The following KLHL12 variants were observed in gnomAD, a reference collection of about 807,000 sequenced individuals.
KLHL12 encodes kelch-like protein 12.
KLHL12 carries 17 observed loss-of-function variants against 60.8 expected under a neutral mutation model. The ratio of observed to expected loss-of-function variants is 0.28; its 90% CI spans 0.19 to 0.42. The LOEUF (loss-of-function observed/expected upper bound fraction) is 0.42. KLHL12 is among the 10% of genes least tolerant of loss of function. The pLI is 1.00. For synonymous variants in KLHL12, 220 were observed against 250.9 expected (o/e 0.88, Z 1.16); for missense variants, 468 against 722.3 (o/e 0.65, Z 4.04).
chr1:202,923,845 G>C (rs115044208), intron 2 of KLHL12, among the ~76,000 whole-genome samples: 296 of 135,166 alleles, frequency 2.2e-3, no homozygotes, highest in African/African-American at 7.8e-3. Flanking sequence ...TCTACACTAA[G>C]ATGATAGAAC....
chr1:202,903,992 G>GTATCTATGTATC (rs1553236664), intron 6 of KLHL12, among the ~76,000 whole-genome samples: 2 of 141,588 alleles, frequency 1.4e-5, no homozygotes, highest in South Asian at 2.4e-4. Context: ...ATCTATCTAT[G>GTATCTATGTATC]TATCTATCTA....
intron 9 of KLHL12, 31 bp from the exon 10 acceptor site, chr1:202,894,313 G>A: frequency 1.4e-6 from 2 of 1,430,330 alleles, no homozygotes; most frequent in Non-Finnish European, 1.9e-6. Flanking sequence ...CAGAAAGAGT[G>A]GTAAATCCTC....
chr1:202,912,379 C>T lies in KLHL12; in HGVS notation c.568-1176G>A, dbSNP rs117657495. On this transcript the variant is annotated intron_variant, in intron 4 of 11. Coordinates refer to ENST00000367261, the MANE Select transcript of KLHL12 (RefSeq NM_021633.4). ...CTGTCAAAGTAAGAGATGGCTAGTG[C>T]TTCATCCAGCCAAAGAAGTCGAAGT... 1,824 of 797,886 alleles carry T rather than the reference C, an allele frequency of 2.3e-3. 34 individuals are homozygous for T. The highest frequency in any genetic ancestry group is 0.022 in the Admixed American group (1,293 of 58,800). 49.4% of individuals were successfully genotyped at this position (797,886 alleles called of 1,614,324 possible). A position where few individuals can be genotyped will look rare whatever the true frequency, so the allele number is the denominator to read the frequency against.
intron 6 of KLHL12, among the ~76,000 whole-genome samples, chr1:202,901,049 T>C (rs1259880980): frequency 6.6e-6 from 1 of 151,790 alleles, no homozygotes; most frequent in Non-Finnish European, 1.5e-5. Flanking sequence ...GTCTCAAAAA[T>C]AAAATAAAGA....
chr1:202,918,403 G>A lies in KLHL12; in HGVS notation c.350-15C>T. ...TTGTTTCACACCTAGGACAGACACA[G>A]GCAGCAAACACTTTAGAATAGTTGG... On this transcript the variant is annotated splice_polypyrimidine_tract_variant and intron_variant, in intron 3 of 11. Coordinates refer to ENST00000367261, the MANE Select transcript of KLHL12 (RefSeq NM_021633.4). 2 of 1,594,640 alleles carry A rather than the reference G, an allele frequency of 1.3e-6. No individual in the cohort carries two copies. The highest frequency in any genetic ancestry group is 2.2e-5 in the South Asian group (2 of 90,666).
intron 6 of KLHL12, among the ~76,000 whole-genome samples, chr1:202,900,241 A>C (rs1235937681): frequency 3.3e-5 from 5 of 151,282 alleles, no homozygotes; most frequent in Non-Finnish European, 7.4e-5. Context: ...CCCCCCAAAA[A>C]TAAATATATA....
chr1:202,910,424 C>A (rs1009285350), intron 5 of KLHL12, among the ~76,000 whole-genome samples: 12 of 152,130 alleles, frequency 7.9e-5, no homozygotes, highest in African/African-American at 2.9e-4. Flanking sequence ...CTAATGTGAA[C>A]AACTGAAAAA....
chr1:202,913,379 T>C (rs1163806197), intron 4 of KLHL12, among the ~76,000 whole-genome samples: 1 of 151,978 alleles, frequency 6.6e-6, no homozygotes, highest in Non-Finnish European at 1.5e-5. Context: ...TGTGAATAGA[T>C]AAAAAAAACT....
chr1:202,908,078 A>G (rs1242008746), intron 6 of KLHL12, among the ~76,000 whole-genome samples: 1 of 152,248 alleles, frequency 6.6e-6, no homozygotes, highest in East Asian at 1.9e-4. Context: ...CATAACTTAT[A>G]AAATGTTTTT....
At position 202,894,729 on chromosome 1, in the gene KLHL12, C is replaced by T. The variant is rs1462150286; in HGVS notation, c.1156G>A (p.Gly386Ser). The change falls in exon 9 of 12, where the codon GGC (glycine) becomes AGC (serine). Residue 386 changes from glycine to serine, a missense_variant. Physicochemically the swap from Gly to Ser is moderately conservative, Grantham distance 56. This residue lies in a region of KLHL12 where 339 missense variants were observed against 525.0 expected (regional missense o/e 0.65). Transcript: ENST00000367261. ...TLGDMIYVSGGFDGSRRHTSM... is the reference protein window; with the variant it reads ...TLGDMIYVSGSFDGSRRHTSM... ...GTGTGACGCCTGCTTCCATCAAAGC[C>T]TCCAGAGACATAGATCATATCTGCT... The T allele has an allele frequency of 6.2e-7, 1 of 1,613,844 alleles. No individual in the cohort carries two copies. Among genetic ancestry groups the T allele is most frequent in the African/African-American group, 1.3e-5 (1 of 74,920 alleles).
rs915173145 is a variant in KLHL12, at chr1:202,909,737, CCCAA to C, written c.718-617_718-614del. On this transcript the variant is annotated intron_variant, in intron 5 of 11. Coordinates refer to ENST00000367261, the MANE Select transcript of KLHL12 (RefSeq NM_021633.4). This position sits in a 1 kb window ranked among gnomAD's most constrained non-coding sequence, Gnocchi z 4.1. ...CCTTCTAGCTTCTGGTTGGGATCAG[CCCAA>C]CCAAAGGTCAAGGTTTCTCTCAAGG... is the stretch of plus-strand genomic sequence containing the variant. Among the ~76,000 whole-genome samples, 2 of 152,254 alleles carry C rather than the reference CCCAA, an allele frequency of 1.3e-5. No homozygotes were observed. Among genetic ancestry groups the C allele is most frequent in the African/African-American group, 4.8e-5 (2 of 41,556 alleles).
chr1:202,907,440 A>C (rs1206436989), intron 6 of KLHL12, among the ~76,000 whole-genome samples: 1 of 151,744 alleles, frequency 6.6e-6, no homozygotes, highest in African/African-American at 2.4e-5. Context: ...TGTCTCTACC[A>C]AAAATACAAA....
chr1:202,906,184 G>A (rs1166007334), intron 6 of KLHL12, among the ~76,000 whole-genome samples: 4 of 147,748 alleles, frequency 2.7e-5, no homozygotes, highest in African/African-American at 7.4e-5. Flanking sequence ...CAGGCGCGGT[G>A]GCTCATGCCC....
Position 202,909,266 on chromosome 1 carries a change from G to A in KLHL12, c.718-142C>T, listed in dbSNP as rs1438793738. ...TGTGATTCCAGGAGTATTGCTGGTAGTAACCATGCTCTCGGTTTCCAGAAA... is the reference window on the plus strand; with the variant it reads ...TGTGATTCCAGGAGTATTGCTGGTAATAACCATGCTCTCGGTTTCCAGAAA... On this transcript the variant is annotated intron_variant, in intron 5 of 11. Coordinates refer to ENST00000367261, the MANE Select transcript of KLHL12 (RefSeq NM_021633.4). The surrounding 1 kb of genome is among the most constrained non-coding windows in gnomAD (Gnocchi z 4.1). The A allele has an allele frequency of 3.8e-6, 2 of 527,248 alleles. No homozygotes were observed. The highest frequency in any genetic ancestry group is 3.1e-5 in the East Asian group (1 of 31,998). The allele number at this position is 527,248 out of a possible 1,614,324, so 32.7% of individuals were successfully genotyped here.
At chr1:202,919,254 T>A (rs1480856686) in intron 3 of KLHL12, among the ~76,000 whole-genome samples, 6 of 152,148 alleles carry the variant, frequency 3.9e-5, no homozygotes, top group Non-Finnish European at 8.8e-5. Context: ...AGACTCTGTC[T>A]CAAAAACAAA....
chr1:202,908,093 AC>A (rs1660250610), intron 6 of KLHL12, among the ~76,000 whole-genome samples: 1 of 152,198 alleles, frequency 6.6e-6, no homozygotes. Flanking sequence ...GTTTTTATAC[AC>A]TATACACCTA....
intron 1 of KLHL12, among the ~76,000 whole-genome samples, chr1:202,926,635 C>A (rs1022556946): frequency 2.0e-5 from 3 of 152,150 alleles, no homozygotes; most frequent in Non-Finnish European, 4.4e-5. Context: ...GACAGTACCC[C>A]GGTGCAGAGT....
At position 202,896,332 on chromosome 1, in the gene KLHL12, T is replaced by A. The variant is rs140880049; in HGVS notation, c.939+522A>T. Among the ~76,000 whole-genome samples, 592 of 152,250 alleles carry A rather than the reference T, an allele frequency of 3.9e-3. 5 individuals are homozygous for A. Among genetic ancestry groups the A allele is most frequent in the African/African-American group, 0.014 (568 of 41,536 alleles). On this transcript the variant is annotated intron_variant, in intron 7 of 11. Transcript: ENST00000367261. ...TCCCAAGTAGCTAGGACTACAGGCA[T>A]GCACCACCATGCCTGGCTAATTTTT...
chr1:202,894,883 T>G lies in KLHL12; in HGVS notation c.1136-134A>C, dbSNP rs144315235. ...AGTATTTTTAAATGAGATAAGTCAA[T>G]TAAGTTTTATAGACAAGGAAGACAT... On this transcript the variant is annotated intron_variant, in intron 8 of 11. Coordinates refer to ENST00000367261, the MANE Select transcript of KLHL12 (RefSeq NM_021633.4). 293 of 702,134 alleles carry G rather than the reference T, an allele frequency of 4.2e-4. 2 individuals are homozygous for G. Among genetic ancestry groups the G allele is most frequent in the Non-Finnish European group, 2.9e-4 (120 of 417,180 alleles). The allele number at this position is 702,134 out of a possible 1,614,324, so 43.5% of individuals were successfully genotyped here.
Sources: gnomAD v4.1 joint callset for allele counts (sites outside exome capture counted in the v4.1 genomes callset) on GRCh38, gnomAD v4.1.1 for gene constraint, gnomAD v4.1.1 regional missense constraint, Gnocchi (gnomAD v3.1) non-coding constraint, MANE v1.5 for transcripts, NCBI Gene and HGNC (gene_info 2026-07-23, HGNC 2026-07-21) for gene names.